The following PTPRF variants were observed in gnomAD, a reference collection of about 807,000 sequenced individuals.
PTPRF encodes receptor-type tyrosine-protein phosphatase F.
A neutral mutation model predicts 201.8 loss-of-function variants in PTPRF; 59 were observed. That is an observed-to-expected ratio of 0.29 (90% CI 0.24 to 0.36). The LOEUF is 0.36. PTPRF is among the 10% of genes least tolerant of loss of function. The pLI, the probability that PTPRF is intolerant of heterozygous loss-of-function variation, is 1.00. For missense variants in PTPRF, 2,132 were observed against 2,690.5 expected (o/e 0.79, Z 4.59); for synonymous variants, 1,088 against 1,089.7 (o/e 1.00, Z 0.03).
chr1:43,574,286 G>T (rs950021639), intron 6 of PTPRF, among the ~76,000 whole-genome samples: 1 of 151,956 alleles, frequency 6.6e-6, no homozygotes, highest in Non-Finnish European at 1.5e-5. Context: ...GTGAGCCACC[G>T]TGCCCAGCCA....
At chr1:43,586,107 G>A (rs3791140) in intron 7 of PTPRF, among the ~76,000 whole-genome samples, 41,916 of 151,994 alleles carry the variant, frequency 0.28, 6,841 homozygotes, top group Non-Finnish European at 0.37. Flanking sequence ...TGGTCATGTG[G>A]CTTGGTTTTA....
intron 6 of PTPRF, among the ~76,000 whole-genome samples, chr1:43,573,666 T>C (rs991100338): frequency 1.3e-5 from 2 of 152,232 alleles, no homozygotes; most frequent in Non-Finnish European, 2.9e-5. Context: ...CTGGCACCTC[T>C]TGGACACGAA....
intron 5 of PTPRF, among the ~76,000 whole-genome samples, chr1:43,558,489 G>A (rs1557706584): frequency 6.6e-6 from 1 of 152,166 alleles, no homozygotes; most frequent in Admixed American, 6.5e-5. Flanking sequence ...CGCCAGGACT[G>A]CATACGAGGT....
Position 43,606,866 on chromosome 1 carries a change from C to T in PTPRF, c.3755C>T (p.Pro1252Leu), listed in dbSNP as rs768291568. The T allele has an allele frequency of 6.2e-7, 1 of 1,614,152 alleles. No individual in the cohort carries two copies. The highest frequency in any genetic ancestry group is 8.5e-7 in the Non-Finnish European group (1 of 1,180,030). The change falls in exon 21 of 34, where the codon CCA (proline) becomes CTA (leucine). Residue 1252 changes from proline (P) to leucine (L), a missense_variant. By Grantham distance (98) the Pro-to-Leu change is moderately conservative. Around this residue, in one of 6 missense-constraint regions of PTPRF, gnomAD observed 818 missense variants for 915.3 expected, o/e 0.89. Transcript: ENST00000359947. ...GATGAGATCGTGGTCCAGGTGACAC[C>T]AGCCCAGCAGCAGGAGGAGCCGGAG... ...YSDEIVVQVT[P>L]AQQQEEPEML...
chr1:43,606,545 A>T (rs929015954), intron 20 of PTPRF, 87 bp downstream of exon 20: 1 of 1,319,588 alleles, frequency 7.6e-7, no homozygotes, highest in Admixed American at 2.0e-5. Context: ...ACAAGACCCC[A>T]GGTCTTTATC....
rs996902304 is a variant in PTPRF, at chr1:43,614,195, G to A, written c.4071+480G>A. Among the ~76,000 whole-genome samples, 4 of 152,336 alleles carry A rather than the reference G, an allele frequency of 2.6e-5. 1 individual carries two copies. In the South Asian group the frequency reaches 8.3e-4, roughly 32 times the overall value. ...ATCCCATCTTCCAGGTGAGGAAGCG[G>A]GGGCTCAGAGAGGGGAAGTGACTTG... On this transcript the variant is annotated intron_variant, in intron 23 of 33. Transcript: ENST00000359947.
chr1:43,556,035 C>G (rs1427234182), intron 5 of PTPRF, among the ~76,000 whole-genome samples: 2 of 152,184 alleles, frequency 1.3e-5, no homozygotes, highest in Non-Finnish European at 2.9e-5. Context: ...AAGAGGGCCT[C>G]TTTCCTGCAC....
intron 22 of PTPRF, among the ~76,000 whole-genome samples, chr1:43,610,985 A>G (rs1656307658): frequency 6.6e-6 from 1 of 152,232 alleles, no homozygotes; most frequent in Non-Finnish European, 1.5e-5. Context: ...TAGATACCAG[A>G]TGTCCACAAA....
rs1644689903 is a variant in PTPRF, at chr1:43,546,594, C to T, written c.91+1428C>T. Among the ~76,000 whole-genome samples, 1 of 152,032 alleles carries T rather than the reference C, an allele frequency of 6.6e-6. No homozygotes were observed. Among genetic ancestry groups the T allele is most frequent in the Non-Finnish European group, 1.5e-5 (1 of 67,996 alleles). ...CCGCCGACCCAACCCCAGGCACTTT[C>T]AGGGCCTTCAGACAGGAGCTCTAGG... is the stretch of plus-strand genomic sequence containing the variant. On this transcript the variant is annotated intron_variant, in intron 3 of 33. Transcript: ENST00000359947. This position sits in a 1 kb window ranked among gnomAD's most constrained non-coding sequence, Gnocchi z 4.2.
rs1345537230 is a variant in PTPRF at position 43,605,265 on chromosome 1, A to G, written c.3211A>G (p.Thr1071Ala). 6.2e-7 allele frequency: 1 copy of G among 1,612,388 alleles called. No homozygotes were observed. Among genetic ancestry groups the G allele is most frequent in the South Asian group, 1.1e-5 (1 of 91,050 alleles). The change falls in exon 18 of 34, where the codon ACA (threonine) becomes GCA (alanine). Residue 1071 changes from threonine (T) to alanine (A), a missense_variant. Coordinates refer to ENST00000359947, the MANE Select transcript of PTPRF (RefSeq NM_002840.5). Reference sequence around the variant, plus strand: ...GCTGATCGCAGACCTGCAGCCCAACACAGAGTACTCGTTTGTGCTGATGAA... The same window carrying G: ...GCTGATCGCAGACCTGCAGCCCAACGCAGAGTACTCGTTTGTGCTGATGAA... ...RKLIADLQPN[T>A]EYSFVLMNRG... is the part of the protein sequence containing the mutation.
At chr1:43,550,049 G>A (rs1158162207) in intron 3 of PTPRF, among the ~76,000 whole-genome samples, 4 of 152,096 alleles carry the variant, frequency 2.6e-5, no homozygotes, top group Non-Finnish European at 4.4e-5. Flanking sequence ...TGTCCTGCGG[G>A]TGGAGGTGGA....
intron 6 of PTPRF, chr1:43,576,050 A>G: frequency 1.1e-6 from 1 of 903,834 alleles, no homozygotes; most frequent in Non-Finnish European, 1.6e-6. Context: ...CCTCATCTCC[A>G]GCTCCAGCAC....
In PTPRF at chr1:43,613,646, C is replaced by T; in HGVS notation, c.4002C>T (p.Ile1334=). The T allele has an allele frequency of 6.2e-7, 1 of 1,614,198 alleles. No individual in the cohort carries two copies. The highest frequency in any genetic ancestry group is 1.1e-5 in the South Asian group (1 of 91,084). Residue 1334 remains isoleucine, a synonymous_variant, in exon 23 of 34, where the codon ATC becomes ATT. Transcript: ENST00000359947. The part of the protein sequence containing the change: ...PGMRDHPPIP[I]TDLADNIERL... ...TGCGAGACCACCCACCCATCCCCAT[C>T]ACCGACCTGGCGGACAACATCGAGC...
chr1:43,608,949 C>G (rs147990751), intron 21 of PTPRF, among the ~76,000 whole-genome samples: 5 of 152,100 alleles, frequency 3.3e-5, no homozygotes, highest in African/African-American at 1.2e-4. Context: ...GGGCATTTAC[C>G]CTGATACTCT....
chr1:43,523,773 A>G (rs535262220), upstream of PTPRF, among the ~76,000 whole-genome samples: 461 of 152,254 alleles, frequency 3.0e-3, 4 homozygotes, highest in African/African-American at 0.011. Flanking sequence ...GGGGCCGGGC[A>G]TGGTGGCTCA....
At position 43,553,352 on chromosome 1, in the gene PTPRF, C is replaced by T; in HGVS notation, c.92-140C>T. 1 of 935,114 alleles carries T rather than the reference C, an allele frequency of 1.1e-6. No individual in the cohort carries two copies. Among genetic ancestry groups the T allele is most frequent in the Middle Eastern group, 2.2e-4 (1 of 4,508 alleles). The allele number at this position is 935,114 out of a possible 1,614,324, so 57.9% of individuals were successfully genotyped here. ...TAAACTCTCTGAACAGTGCCTGGCA[C>T]ATACTAAGCGCTACATAAAGGTGAG... On this transcript the variant is annotated intron_variant, in intron 3 of 33. Coordinates refer to ENST00000359947, the MANE Select transcript of PTPRF (RefSeq NM_002840.5). This position sits in a 1 kb window ranked among gnomAD's most constrained non-coding sequence, Gnocchi z 4.1.
chr1:43,579,411 G>C (rs1647166225), intron 7 of PTPRF: 3 of 357,998 alleles, frequency 8.4e-6, no homozygotes, highest in South Asian at 4.2e-5. Flanking sequence ...ACCAGGCCAG[G>C]TGAGCCTATC....
intron 22 of PTPRF, among the ~76,000 whole-genome samples, chr1:43,609,708 C>T (rs983538519): frequency 1.3e-5 from 2 of 152,232 alleles, no homozygotes; most frequent in Non-Finnish European, 2.9e-5. Flanking sequence ...ACAGGTGCCC[C>T]AGGCCAGGAC....
rs1438628186 is a variant in PTPRF, at chr1:43,537,216, C to A, written c.-125-982C>A. The stretch of plus-strand genomic sequence containing the variant: ...CCCCACCCCCACCCAGGATGGTACC[C>A]ACGCTGGTGGGGACTCAATAATGGC... On this transcript the variant is annotated intron_variant, in intron 1 of 33. Coordinates refer to ENST00000359947, the MANE Select transcript of PTPRF (RefSeq NM_002840.5). This position sits in a 1 kb window ranked among gnomAD's most constrained non-coding sequence, Gnocchi z 4.8. 5.3e-5 allele frequency among the ~76,000 whole-genome samples: 8 copies of A among 152,184 alleles called. No individual in the cohort carries two copies. The highest frequency in any genetic ancestry group is 1.0e-4 in the Non-Finnish European group (7 of 68,036).
Sources: gnomAD v4.1 joint callset for allele counts (sites outside exome capture counted in the v4.1 genomes callset) on GRCh38, gnomAD v4.1.1 for gene constraint, gnomAD v4.1.1 regional missense constraint, Gnocchi (gnomAD v3.1) non-coding constraint, MANE v1.5 for transcripts, NCBI Gene and HGNC (gene_info 2026-07-23, HGNC 2026-07-21) for gene names.